The following NOC3L variants were observed in gnomAD, a reference collection of about 807,000 sequenced individuals.
NOC3L encodes NOC3 like DNA replication regulator.
NOC3L carries 85 observed loss-of-function variants against 102.5 expected under a neutral mutation model. The observed-to-expected ratio is 0.83, with a 90% CI of 0.70 to 0.99. NOC3L has a LOEUF of 0.99. Among genes scored for constraint, NOC3L ranks in the 50% least tolerant of loss-of-function variants. The pLI is 0.00. For missense variants in NOC3L, 878 were observed against 914.9 expected (o/e 0.96, Z 0.52); for synonymous variants, 303 against 309.4 (o/e 0.98, Z 0.22).
chr10:94,334,512 G>A, intron 20 of NOC3L, 122 bp downstream of exon 20: 1 of 728,662 alleles, frequency 1.4e-6, no homozygotes, highest in Non-Finnish European at 2.2e-6. Flanking sequence ...TCCATCCTAT[G>A]ATGAAATCCT....
At chr10:94,338,494 G>T in intron 18 of NOC3L, 114 bp downstream of exon 18, 1 of 1,187,598 alleles carries the variant, frequency 8.4e-7, no homozygotes, top group Non-Finnish European at 1.1e-6. Context: ...AAAAAAGGCA[G>T]CCCCAGAACA....
chr10:94,325,109 A>C, the NOC3L span: 1 of 1,593,866 alleles, frequency 6.3e-7, no homozygotes, highest in Non-Finnish European at 8.6e-7. Flanking sequence ...ACCCAGGTAT[A>C]GTAAGTCATT....
intron 18 of NOC3L, among the ~76,000 whole-genome samples, chr10:94,338,396 T>C (rs2133984959): frequency 6.6e-6 from 1 of 152,336 alleles, no homozygotes; most frequent in South Asian, 2.1e-4. Context: ...GAACTGACAC[T>C]GTTTTCTGCT....
intron 13 of NOC3L, among the ~76,000 whole-genome samples, chr10:94,342,777 T>C (rs2054300847): frequency 6.6e-6 from 1 of 150,832 alleles, no homozygotes; most frequent in African/African-American, 2.4e-5. Context: ...ATAGCATGAT[T>C]CCATTTGCAT....
At position 94,341,762 on chromosome 10, in the gene NOC3L, CA is replaced by C; in HGVS notation, c.1572-18del. 6.9e-7 allele frequency: 1 copy of C among 1,444,618 alleles called. No individual in the cohort carries two copies. The highest frequency in any genetic ancestry group is 9.4e-7 in the Non-Finnish European group (1 of 1,066,054). The allele number at this position is 1,444,618 out of a possible 1,614,324, so 89.5% of individuals were successfully genotyped here. On this transcript the variant is annotated intron_variant, in intron 13 of 20. Coordinates refer to ENST00000371361, the MANE Select transcript of NOC3L (RefSeq NM_022451.11). ...TGAGCAAACCTGGAATCAAACAAAA[CA>C]GTTAATCAGTGAACTAAAAGCAGAA...
intron 1 of NOC3L, among the ~76,000 whole-genome samples, chr10:94,362,497 G>T (rs537343415): frequency 1.3e-5 from 2 of 152,210 alleles, no homozygotes; most frequent in East Asian, 1.9e-4. Flanking sequence ...ACCCTTCATG[G>T]GTACCGTGAC....
the NOC3L span, chr10:94,316,541 C>A: frequency 1.3e-6 from 2 of 1,598,354 alleles, no homozygotes; most frequent in South Asian, 2.2e-5. Context: ...TTCACTTTTT[C>A]TTTAGATTCT....
chr10:94,339,923 A>C lies in NOC3L; in HGVS notation c.1781-3T>G, dbSNP rs994926668. ...CTCAACACCTTCATTGGTAGCACCT[A>C]AAACAGCAGACATATTCTTCAGAGC... On this transcript the variant is annotated splice_polypyrimidine_tract_variant and splice_region_variant and intron_variant, in intron 16 of 20. Coordinates refer to ENST00000371361, the MANE Select transcript of NOC3L (RefSeq NM_022451.11). The C allele has an allele frequency of 3.7e-6, 6 of 1,611,658 alleles. No individual in the cohort carries two copies. The highest frequency in any genetic ancestry group is 5.1e-6 in the Non-Finnish European group (6 of 1,178,584).
At chr10:94,320,466 G>A in the NOC3L span, among the ~76,000 whole-genome samples, 1 of 152,184 alleles carries the variant, frequency 6.6e-6, no homozygotes. Context: ...CAGTTTTGGC[G>A]CCACCTGGTG....
At chr10:94,342,075 G>C (rs2054291419) in intron 13 of NOC3L, among the ~76,000 whole-genome samples, 1 of 152,194 alleles carries the variant, frequency 6.6e-6, no homozygotes, top group Admixed American at 6.5e-5. Flanking sequence ...CGGCTTCTAA[G>C]AAAACAGGTG....
chr10:94,336,381 CTT>C (rs749201272), intron 19 of NOC3L, among the ~76,000 whole-genome samples: 7 of 151,670 alleles, frequency 4.6e-5, no homozygotes, highest in African/African-American at 1.2e-4. Context: ...CGGATTCGCT[CTT>C]GTCACCCAGG....
At chr10:94,351,921 A>G (rs2054424338) in intron 8 of NOC3L, among the ~76,000 whole-genome samples, 1 of 152,228 alleles carries the variant, frequency 6.6e-6, no homozygotes, top group African/African-American at 2.4e-5. Flanking sequence ...TGTTAAATGC[A>G]TTGTAGTCAA....
At chr10:94,352,593 G>A (rs1262661979) in intron 7 of NOC3L, among the ~76,000 whole-genome samples, 190 bp from the exon 8 acceptor site, 1 of 152,154 alleles carries the variant, frequency 6.6e-6, no homozygotes, top group South Asian at 2.1e-4. Context: ...AGGCAGAGGC[G>A]GGTAGATCAC....
chr10:94,338,394 ACT>A (rs1037893613), intron 18 of NOC3L, among the ~76,000 whole-genome samples: 1 of 152,216 alleles, frequency 6.6e-6, no homozygotes, highest in African/African-American at 2.4e-5. Flanking sequence ...CAGAACTGAC[ACT>A]GTTTTCTGCT....
chr10:94,357,995 G>T, intron 3 of NOC3L, 88 bp downstream of exon 3: 1 of 791,146 alleles, frequency 1.3e-6, no homozygotes, highest in South Asian at 1.5e-5. Flanking sequence ...GCTCAAAGGT[G>T]AACACCTTGA....
intron 13 of NOC3L, among the ~76,000 whole-genome samples, chr10:94,343,115 GCAGA>G (rs1336002677): frequency 3.3e-5 from 5 of 151,140 alleles, no homozygotes; most frequent in African/African-American, 7.3e-5. Flanking sequence ...CAGATGGCAC[GCAGA>G]CAGACTACAT....
chr10:94,334,572 A>T, intron 20 of NOC3L, 62 bp downstream of exon 20: 1 of 1,181,990 alleles, frequency 8.5e-7, no homozygotes, highest in Non-Finnish European at 1.2e-6. Flanking sequence ...AACTGGAGTT[A>T]GAGTTATTGA....
Position 94,356,583 on chromosome 10 carries a change from T to TG in NOC3L, c.516_517insC (p.Ser173GlnfsTer2). ...TCTTGATCCTCTTCATCTTTGTTACTATCAGTAACTATATGGAAAACATAT... is the reference window on the plus strand; with the variant it reads ...TCTTGATCCTCTTCATCTTTGTTACTGATCAGTAACTATATGGAAAACATAT... On this transcript the variant is annotated frameshift_variant, in exon 5 of 21. Transcript: ENST00000371361. LOFTEE classifies it high-confidence loss of function. 1 of 1,553,032 alleles carries TG rather than the reference T, an allele frequency of 6.4e-7. No individual in the cohort carries two copies. Among genetic ancestry groups the TG allele is most frequent in the Non-Finnish European group, 8.9e-7 (1 of 1,125,798 alleles).
At chr10:94,359,455 A>G (rs542617920) in intron 2 of NOC3L, among the ~76,000 whole-genome samples, 1 of 152,208 alleles carries the variant, frequency 6.6e-6, no homozygotes, top group African/African-American at 2.4e-5. Flanking sequence ...CGTCTCAAAA[A>G]AAAAAACAAA....
Sources: allele counts gnomAD v4.1 joint callset (sites outside exome capture counted in the v4.1 genomes callset), GRCh38; gene constraint gnomAD v4.1.1; transcripts MANE v1.5; gene names NCBI Gene and HGNC (gene_info 2026-07-23, HGNC 2026-07-21).